The following KCNQ3 variants were observed in gnomAD, a reference collection of about 807,000 sequenced individuals.
KCNQ3 encodes potassium voltage-gated channel subfamily KQT member 3.
KCNQ3 carries 30 observed loss-of-function variants against 92.5 expected under a neutral mutation model. The observed-to-expected ratio is 0.32, with a 90% confidence interval of 0.24 to 0.44. KCNQ3 has a LOEUF of 0.44. Ranked by LOEUF, KCNQ3 falls within the 20% of genes least tolerant of loss-of-function variation. The pLI, the probability that KCNQ3 is intolerant of heterozygous loss-of-function variation, is 1.00. For synonymous variants in KCNQ3, 450 were observed against 468.8 expected (o/e 0.96, Z 0.52); for missense variants, 913 against 1,140.3 (o/e 0.80, Z 2.87).
Position 132,174,108 on chromosome 8 carries a change from G to A in KCNQ3, c.1044+131C>T. On this transcript the variant is annotated intron_variant, in intron 6 of 14. Transcript: ENST00000388996. Reference sequence around the variant, plus strand: ...TGTGGCAAAAAGGCAGGATCATCATGCTTAAGGGAATGGCTAGGGAGTTGG... The same window carrying A: ...TGTGGCAAAAAGGCAGGATCATCATACTTAAGGGAATGGCTAGGGAGTTGG... The A allele has an allele frequency of 4.1e-6, 3 of 740,646 alleles. No individual in the cohort carries two copies. In the East Asian group the frequency reaches 8.1e-5, roughly 20 times the overall value. 45.9% of individuals were successfully genotyped at this position (740,646 alleles called of 1,614,324 possible). A position where few individuals can be genotyped will look rare whatever the true frequency, so the allele number is the denominator to read the frequency against.
At chr8:132,402,889 T>C (rs1820375685) in intron 1 of KCNQ3, among the ~76,000 whole-genome samples, 1 of 151,658 alleles carries the variant, frequency 6.6e-6, no homozygotes, top group South Asian at 2.1e-4. Flanking sequence ...TGGCAGTGCA[T>C]GCCTGTAGTC....
At chr8:132,451,833 G>A (rs1821826987) in intron 1 of KCNQ3, among the ~76,000 whole-genome samples, 1 of 152,244 alleles carries the variant, frequency 6.6e-6, no homozygotes, top group African/African-American at 2.4e-5. Flanking sequence ...GGAGCAGCGG[G>A]AAGGTGGGGA....
At chr8:132,149,212 G>C (rs551706389) in intron 9 of KCNQ3, among the ~76,000 whole-genome samples, 1 of 152,312 alleles carries the variant, frequency 6.6e-6, no homozygotes, top group East Asian at 1.9e-4. Flanking sequence ...AAGGTCCCAG[G>C]GAATCTCTAA....
At chr8:132,386,375 A>G (rs1041594792) in intron 1 of KCNQ3, among the ~76,000 whole-genome samples, 2 of 152,172 alleles carry the variant, frequency 1.3e-5, no homozygotes, top group Non-Finnish European at 2.9e-5. Flanking sequence ...AGTTAAACAT[A>G]GACAAATAAA....
chr8:132,390,068 C>A (rs1820007940), intron 1 of KCNQ3, among the ~76,000 whole-genome samples: 1 of 152,130 alleles, frequency 6.6e-6, no homozygotes, highest in African/African-American at 2.4e-5. Flanking sequence ...CAATGGAATT[C>A]TACACAGCAA....
intron 1 of KCNQ3, among the ~76,000 whole-genome samples, chr8:132,453,354 G>A (rs567151576): frequency 3.7e-4 from 57 of 152,310 alleles, no homozygotes; most frequent in Admixed American, 3.6e-3. Context: ...GCTGCCGGTT[G>A]GAGAATGGAT....
chr8:132,140,377 A>C (rs1825248358), intron 10 of KCNQ3, 199 bp from the exon 11 acceptor site: 7 of 566,496 alleles, frequency 1.2e-5, no homozygotes, highest in Non-Finnish European at 2.2e-5. Flanking sequence ...ATTACCCAGA[A>C]GTCCAAGTCA....
intron 1 of KCNQ3, among the ~76,000 whole-genome samples, chr8:132,446,790 G>A (rs1367829909): frequency 2.0e-5 from 3 of 152,130 alleles, no homozygotes; most frequent in Non-Finnish European, 2.9e-5. Flanking sequence ...TATCCCAGGC[G>A]ACGGGAGGAC....
At chr8:132,477,702 G>A (rs1363414442) in intron 1 of KCNQ3, among the ~76,000 whole-genome samples, 1 of 152,148 alleles carries the variant, frequency 6.6e-6, no homozygotes, top group African/African-American at 2.4e-5. Flanking sequence ...GTGGCTTCCT[G>A]AGTTCTGACC....
At chr8:132,292,018 T>C (rs1439629592) in intron 1 of KCNQ3, among the ~76,000 whole-genome samples, 1 of 152,238 alleles carries the variant, frequency 6.6e-6, no homozygotes, top group Admixed American at 6.5e-5. Context: ...CCTATCTGAA[T>C]GCCAGAAATT....
intron 1 of KCNQ3, among the ~76,000 whole-genome samples, chr8:132,355,533 G>T (rs961266069): frequency 6.6e-6 from 1 of 152,122 alleles, no homozygotes; most frequent in African/African-American, 2.4e-5. Context: ...AAATTGATGA[G>T]AGTTTAAGAG....
chr8:132,267,412 A>AATCCTAAC (rs1258544272), intron 1 of KCNQ3, among the ~76,000 whole-genome samples: 2 of 152,096 alleles, frequency 1.3e-5, no homozygotes, highest in Non-Finnish European at 2.9e-5. Flanking sequence ...CCTGGCACTT[A>AATCCTAAC]ATCCTAACAT....
chr8:132,246,877 A>T (rs1197531776), intron 1 of KCNQ3, among the ~76,000 whole-genome samples: 2 of 152,074 alleles, frequency 1.3e-5, no homozygotes, highest in African/African-American at 2.4e-5. Context: ...GCTACACAAG[A>T]CTCTGAGTCT....
chr8:132,151,071 T>A (rs1341098100), intron 9 of KCNQ3, among the ~76,000 whole-genome samples: 1 of 152,240 alleles, frequency 6.6e-6, no homozygotes. Flanking sequence ...CTAGGTTGGC[T>A]AAATGTTTTA....
At chr8:132,186,419 C>T (rs1291514276) in intron 1 of KCNQ3, 1 of 473,388 alleles carries the variant, frequency 2.1e-6, no homozygotes, top group Non-Finnish European at 3.9e-6. Flanking sequence ...TTTACTTAAC[C>T]AGCTAATTAG....
At chr8:132,317,071 G>C (rs554895969) in intron 1 of KCNQ3, among the ~76,000 whole-genome samples, 3 of 152,200 alleles carry the variant, frequency 2.0e-5, no homozygotes, top group African/African-American at 7.2e-5. Flanking sequence ...TCTTTTTTCA[G>C]TTCCCAAATT....
intron 12 of KCNQ3, 80 bp downstream of exon 12, chr8:132,137,805 T>C: frequency 6.6e-7 from 1 of 1,526,292 alleles, no homozygotes; most frequent in Non-Finnish European, 9.1e-7. Context: ...TTGAATTATT[T>C]CTGAATACCT....
rs1826415090 is a variant in KCNQ3, at chr8:132,172,642, TCTGAC to T, written c.1091_1095del (p.Arg364GlnfsTer4). The T allele has an allele frequency of 6.2e-7, 1 of 1,613,958 alleles. No individual in the cohort carries two copies. The highest frequency in any genetic ancestry group is 1.7e-5 in the Admixed American group (1 of 60,006). On this transcript the variant is annotated frameshift_variant, in exon 7 of 15. Transcript: ENST00000388996. LOFTEE classifies it high-confidence loss of function. Reference sequence around the variant, plus strand: ...GGCTTCCTCCTTTTCTCAAAGTGCTTCTGACGGTGTTGCTCCTGCACCTTGAGGGC... The same window carrying T: ...GGCTTCCTCCTTTTCTCAAAGTGCTTGGTGTTGCTCCTGCACCTTGAGGGC...
intron 9 of KCNQ3, among the ~76,000 whole-genome samples, chr8:132,148,605 A>G (rs562044238): frequency 6.6e-6 from 1 of 152,358 alleles, no homozygotes; most frequent in African/African-American, 2.4e-5. Context: ...TGTGTCTGTG[A>G]GGGTGGAAGA....
Sources: gnomAD v4.1 joint callset for allele counts (sites outside exome capture counted in the v4.1 genomes callset) on GRCh38, gnomAD v4.1.1 for gene constraint, MANE v1.5 for transcripts, NCBI Gene and HGNC (gene_info 2026-07-23, HGNC 2026-07-21) for gene names.